The following ZFAND2A variants were observed in gnomAD, a reference collection of about 807,000 sequenced individuals.
ZFAND2A encodes zinc finger AN1-type containing 2A.
Under a neutral mutation model 11.6 loss-of-function variants are expected in ZFAND2A, and 20 were observed. The observed-to-expected ratio is 1.72, with a 90% CI of 1.21 to 2.50. The LOEUF is 2.50. Ranked by LOEUF, ZFAND2A falls within the 30% of genes most tolerant of loss-of-function variation. The probability of loss-of-function intolerance (pLI) is 0.00; values close to 1 mark genes in which losing one functional copy is unlikely to be tolerated. For synonymous variants in ZFAND2A, 93 were observed against 60.6 expected (o/e 1.54, Z -2.48); for missense variants, 234 against 182.9 (o/e 1.28, Z -1.61).
At chr7:1,152,842 T>C, downstream of ZFAND2A, 1 of 699,498 alleles carries the variant, frequency 1.4e-6, no homozygotes. Context: ...CCGATTTCTA[T>C]GGTTTGAGCC....
chr7:1,151,119 C>A (rs1230291482), downstream of ZFAND2A, among the ~76,000 whole-genome samples: 2 of 152,118 alleles, frequency 1.3e-5, no homozygotes, highest in Admixed American at 1.3e-4. Flanking sequence ...AACTCCTGAC[C>A]TCAGGTGATC....
chr7:1,149,607 A>G (rs1343420698), downstream of ZFAND2A, among the ~76,000 whole-genome samples: 1 of 152,228 alleles, frequency 6.6e-6, no homozygotes, highest in African/African-American at 2.4e-5. Context: ...TTGTCGTGCA[A>G]GCATCCTACA....
intron 4 of ZFAND2A, among the ~76,000 whole-genome samples, chr7:1,153,655 G>C (rs1050478470): frequency 2.0e-5 from 3 of 152,214 alleles, no homozygotes; most frequent in East Asian, 1.9e-4. Flanking sequence ...CAGGTAAGAA[G>C]AACATGGGGC....
intron 4 of ZFAND2A, among the ~76,000 whole-genome samples, chr7:1,154,211 G>C (rs1040416281): frequency 6.7e-6 from 1 of 148,898 alleles, no homozygotes; most frequent in Non-Finnish European, 1.5e-5. Flanking sequence ...TTTGGTGCCA[G>C]GATGTAGGCA....
At chr7:1,150,235 G>A (rs1563157994), downstream of ZFAND2A, among the ~76,000 whole-genome samples, 1 of 151,952 alleles carries the variant, frequency 6.6e-6, no homozygotes, top group South Asian at 2.1e-4. Context: ...CAGAAACATC[G>A]TTCCCCTGAC....
At chr7:1,159,215 C>T (rs1793612882) in intron 1 of ZFAND2A, among the ~76,000 whole-genome samples, 1 of 152,232 alleles carries the variant, frequency 6.6e-6, no homozygotes, top group Non-Finnish European at 1.5e-5. Context: ...CGACACACAG[C>T]AGGCGTTCCG....
downstream of ZFAND2A, among the ~76,000 whole-genome samples, chr7:1,151,431 C>T (rs1793396811): frequency 6.6e-6 from 1 of 151,926 alleles, no homozygotes; most frequent in Non-Finnish European, 1.5e-5. Flanking sequence ...GTGAAGAGCG[C>T]AAGTGAGCTG....
At chr7:1,150,947 G>A (rs1362163498), downstream of ZFAND2A, among the ~76,000 whole-genome samples, 1 of 149,874 alleles carries the variant, frequency 6.7e-6, no homozygotes, top group Admixed American at 6.7e-5. Context: ...GAGTGCAGTG[G>A]CACAATCTGG....
At chr7:1,151,912 G>C (rs1023039844), downstream of ZFAND2A, among the ~76,000 whole-genome samples, 4 of 152,066 alleles carry the variant, frequency 2.6e-5, no homozygotes, top group Non-Finnish European at 2.9e-5. Context: ...GTGCAAACGG[G>C]AAGGACCTCA....
At chr7:1,155,637 C>G in intron 3 of ZFAND2A, 53 bp from the exon 4 acceptor site, 3 of 1,594,802 alleles carry the variant, frequency 1.9e-6, no homozygotes, top group Non-Finnish European at 1.7e-6. Flanking sequence ...CTTAAACTCA[C>G]AGAAGTTTTA....
chr7:1,149,745 G>A (rs188213030), downstream of ZFAND2A, among the ~76,000 whole-genome samples: 175 of 152,324 alleles, frequency 1.1e-3, no homozygotes, highest in African/African-American at 2.2e-3. Context: ...ACTGCGGCAC[G>A]GCGCTGCGTG....
At chr7:1,156,066 G>A (rs1359167786) in intron 3 of ZFAND2A, among the ~76,000 whole-genome samples, 3 of 152,256 alleles carry the variant, frequency 2.0e-5, no homozygotes, top group Non-Finnish European at 4.4e-5. Context: ...ACTAACGACC[G>A]TCACTGGCTG....
intron 3 of ZFAND2A, 59 bp downstream of exon 3, chr7:1,157,597 C>CA: frequency 6.7e-7 from 1 of 1,498,348 alleles, no homozygotes; most frequent in Non-Finnish European, 9.0e-7. Context: ...ACCATACCAG[C>CA]AAGACAGTGC....
downstream of ZFAND2A, among the ~76,000 whole-genome samples, chr7:1,149,509 C>T (rs980943160): frequency 9.9e-5 from 15 of 152,204 alleles, no homozygotes; most frequent in South Asian, 1.4e-3. Flanking sequence ...GCTTGGGAAC[C>T]GCCGGCCTAG....
At chr7:1,156,758 T>G (rs28651717) in intron 3 of ZFAND2A, among the ~76,000 whole-genome samples, 18,883 of 151,832 alleles carry the variant, frequency 0.12, 2,079 homozygotes, top group African/African-American at 0.3. Flanking sequence ...GCTGGGAGAG[T>G]CACAGGTGGT....
chr7:1,150,953 T>G (rs1214432806), downstream of ZFAND2A, among the ~76,000 whole-genome samples: 1 of 148,032 alleles, frequency 6.8e-6, no homozygotes, highest in Non-Finnish European at 1.5e-5. Context: ...AGTGGCACAA[T>G]CTGGGCTCAC....
chr7:1,152,086 C>G, downstream of ZFAND2A: 1 of 902,820 alleles, frequency 1.1e-6, no homozygotes, highest in South Asian at 2.6e-5. Flanking sequence ...CGAGCTGCTT[C>G]TGTAACTTGG....
downstream of ZFAND2A, among the ~76,000 whole-genome samples, chr7:1,151,762 T>TTAAAAAAAAAAAAAAAAAAAAAAAAAAA (rs1554344524): frequency 4.6e-5 from 4 of 87,166 alleles, no homozygotes; most frequent in Admixed American, 1.2e-4. Flanking sequence ...TCATCCCTTT[T>TTAAAAAAAAAAAAAAAAAAAAAAAAAAA]AAAAAAAAAA....
At chr7:1,153,509 TAA>T (rs925833858) in intron 4 of ZFAND2A, among the ~76,000 whole-genome samples, 11 of 152,084 alleles carry the variant, frequency 7.2e-5, no homozygotes, top group African/African-American at 2.7e-4. Flanking sequence ...CCCAAAGTGC[TAA>T]GATTACCTGT....
Sources: allele counts gnomAD v4.1 joint callset (sites outside exome capture counted in the v4.1 genomes callset), GRCh38; gene constraint gnomAD v4.1.1; transcripts MANE v1.5; gene names NCBI Gene and HGNC (gene_info 2026-07-23, HGNC 2026-07-21).